PDE5A: variants seen among roughly 807,000 people sequenced by gnomAD.
PDE5A encodes phosphodiesterase 5A.
Under a neutral mutation model 110.2 loss-of-function variants are expected in PDE5A, and 67 were observed. The ratio of observed to expected loss-of-function variants is 0.61; its 90% confidence interval spans 0.50 to 0.75. The LOEUF is 0.75. Among genes scored for constraint, PDE5A ranks in the 30% least tolerant of loss-of-function variants. PDE5A has a pLI of 0.00. For synonymous variants in PDE5A, 328 were observed against 351.2 expected, an observed-to-expected ratio of 0.93 and a Z score of 0.74; for missense variants, 862 against 1,045.1, an observed-to-expected ratio of 0.82 and a Z score of 2.42.
chr4:119,563,343 G>T (rs925449805), intron 5 of PDE5A, among the ~76,000 whole-genome samples: 1 of 152,124 alleles, frequency 6.6e-6, no homozygotes, highest in Non-Finnish European at 1.5e-5. Flanking sequence ...TACATAAAAC[G>T]CACTGTTAAT....
At chr4:119,516,391 C>T (rs1162770111) in intron 14 of PDE5A, among the ~76,000 whole-genome samples, 5 of 152,176 alleles carry the variant, frequency 3.3e-5, no homozygotes, top group African/African-American at 1.2e-4. Context: ...ATCTATCTGC[C>T]TAGAATATAA....
rs373017109 is a variant in PDE5A at position 119,560,289 on chromosome 4, C to T, written c.1199+7G>A. ...GATAAAGACAAGTAGAGAATACGTG[C>T]TTTTACCTTGTTAATGTATCAGATG... On this transcript the variant is annotated splice_region_variant and intron_variant, in intron 7 of 20. Transcript: ENST00000354960. 2 of 1,537,408 alleles carry T rather than the reference C, an allele frequency of 1.3e-6. No homozygotes were observed. The highest frequency in any genetic ancestry group is 1.8e-6 in the Non-Finnish European group (2 of 1,122,350).
intron 7 of PDE5A, among the ~76,000 whole-genome samples, chr4:119,558,868 G>A (rs1337857382): frequency 1.6e-5 from 2 of 128,448 alleles, no homozygotes; most frequent in African/African-American, 6.1e-5. Flanking sequence ...AGTGAGCCGA[G>A]ATCCCGCCAC....
chr4:119,599,290 C>T (rs1280356675), intron 2 of PDE5A, among the ~76,000 whole-genome samples: 1 of 151,822 alleles, frequency 6.6e-6, no homozygotes, highest in Non-Finnish European at 1.5e-5. Flanking sequence ...TACAAAATCA[C>T]CACATATGTA....
chr4:119,583,722 G>A (rs1005274883), intron 3 of PDE5A, among the ~76,000 whole-genome samples: 1 of 152,330 alleles, frequency 6.6e-6, no homozygotes, highest in African/African-American at 2.4e-5. Context: ...AAAGGAGAAG[G>A]AGAGAGACAG....
chr4:119,570,071 C>T (rs1364787575), intron 3 of PDE5A, among the ~76,000 whole-genome samples: 1 of 151,960 alleles, frequency 6.6e-6, no homozygotes, highest in Admixed American at 6.6e-5. Flanking sequence ...TAAAAACAGA[C>T]AAAAAATAGA....
chr4:119,499,086 G>A (rs899374910), intron 20 of PDE5A, among the ~76,000 whole-genome samples: 2 of 152,164 alleles, frequency 1.3e-5, no homozygotes, highest in Non-Finnish European at 2.9e-5. Context: ...TCAGGGAACT[G>A]CTTAGTTTTT....
At chr4:119,590,780 A>G (rs565596242) in intron 3 of PDE5A, among the ~76,000 whole-genome samples, 5 of 152,308 alleles carry the variant, frequency 3.3e-5, no homozygotes, top group African/African-American at 9.6e-5. Context: ...ATCTTCCTGC[A>G]TTTTCCGGCC....
chr4:119,548,102 G>T (rs1368087391), intron 9 of PDE5A: 2 of 114,862 alleles, frequency 1.7e-5, no homozygotes, highest in Non-Finnish European at 3.3e-5. Flanking sequence ...AGGCCGGATT[G>T]CAGTGGCACA....
chr4:119,553,279 A>G (rs575456782), intron 8 of PDE5A, among the ~76,000 whole-genome samples: 6 of 152,172 alleles, frequency 3.9e-5, no homozygotes, highest in African/African-American at 4.8e-5. Context: ...CAGATTACCA[A>G]TTGCATCAGT....
chr4:119,550,877 G>T (rs1259206740), intron 9 of PDE5A, among the ~76,000 whole-genome samples: 1 of 152,052 alleles, frequency 6.6e-6, no homozygotes, highest in Non-Finnish European at 1.5e-5. Context: ...ACATTTACTT[G>T]GTATCATATT....
chr4:119,600,161 A>G (rs1729293031), intron 2 of PDE5A, among the ~76,000 whole-genome samples: 1 of 151,534 alleles, frequency 6.6e-6, no homozygotes, highest in Non-Finnish European at 1.5e-5. Context: ...AGAAAGAGCT[A>G]GAAATGTGGC....
chr4:119,500,971 T>G, intron 20 of PDE5A, 199 bp downstream of exon 20: 1 of 546,846 alleles, frequency 1.8e-6, no homozygotes. Context: ...GATTAGCACA[T>G]AGTAGGCACT....
chr4:119,581,094 T>C (rs1008443625), intron 3 of PDE5A, among the ~76,000 whole-genome samples: 1 of 152,224 alleles, frequency 6.6e-6, no homozygotes, highest in African/African-American at 2.4e-5. Flanking sequence ...TGAGTCCATG[T>C]CTCTATAGCC....
At chr4:119,621,937 G>A (rs1253417308) in intron 1 of PDE5A, among the ~76,000 whole-genome samples, 2 of 152,106 alleles carry the variant, frequency 1.3e-5, no homozygotes, top group South Asian at 2.1e-4. Context: ...TTGGGAGGCC[G>A]AGGCGGGGGG....
chr4:119,520,902 T>C, intron 13 of PDE5A, 33 bp downstream of exon 13: 1 of 1,545,162 alleles, frequency 6.5e-7, no homozygotes, highest in Non-Finnish European at 8.7e-7. Flanking sequence ...AGCAACAAAA[T>C]GTATTAGATA....
rs542887158 is a variant in PDE5A at position 119,623,590 on chromosome 4, C to A, written c.152+4930G>T. ...AAGCTACAAGCTTTACCTATACAAC[C>A]TTAACAGAATTCCAAATATTTCAAA... is the stretch of plus-strand genomic sequence containing the variant. On this transcript the variant is annotated intron_variant, in intron 1 of 20. Coordinates refer to ENST00000354960, the MANE Select transcript of PDE5A (RefSeq NM_001083.4). Among the ~76,000 whole-genome samples the A allele has an allele frequency of 3.9e-5, 6 of 152,286 alleles. No homozygotes were observed. The South Asian group carries it at 1.0e-3, about 26-fold the overall frequency.
At chr4:119,594,811 T>A (rs10032392) in intron 3 of PDE5A, among the ~76,000 whole-genome samples, 2,285 of 152,310 alleles carry the variant, frequency 0.015, 58 homozygotes, top group African/African-American at 0.052. Flanking sequence ...TAGGGCCTTG[T>A]TAATCAAATT....
chr4:119,617,690 C>T (rs761482548), intron 1 of PDE5A, among the ~76,000 whole-genome samples: 18 of 152,100 alleles, frequency 1.2e-4, no homozygotes, highest in Non-Finnish European at 2.6e-4. Context: ...GAAACCTACT[C>T]GTAGAGCAAC....
Sources: gnomAD v4.1 joint callset for allele counts (sites outside exome capture counted in the v4.1 genomes callset) on GRCh38, gnomAD v4.1.1 for gene constraint, MANE v1.5 for transcripts, NCBI Gene and HGNC (gene_info 2026-07-23, HGNC 2026-07-21) for gene names.